CDH1: variants seen among roughly 807,000 people sequenced by gnomAD.
CDH1 encodes the protein cadherin-1.
Under a neutral mutation model 84.5 loss-of-function variants are expected in CDH1, and 35 were observed. The ratio of observed to expected loss-of-function variants is 0.41; its 90% CI spans 0.32 to 0.55. The LOEUF (loss-of-function observed/expected upper bound fraction) is 0.55. Ranked by LOEUF, CDH1 falls within the 20% of genes least tolerant of loss-of-function variation. The pLI, the probability that CDH1 is intolerant of heterozygous loss-of-function variation, is 0.19. For missense variants in CDH1, 994 were observed against 1,126.6 expected, an observed-to-expected ratio of 0.88 and a Z score of 1.68; for synonymous variants, 417 against 439.0, an observed-to-expected ratio of 0.95 and a Z score of 0.63.
At chr16:68,754,883 A>G (rs1382876886) in intron 2 of CDH1, among the ~76,000 whole-genome samples, 1 of 152,176 alleles carries the variant, frequency 6.6e-6, no homozygotes, top group Non-Finnish European at 1.5e-5. Flanking sequence ...AAAACTCAGC[A>G]GGAAGGGTGA....
At chr16:68,821,733 AAGG>A (rs1245417018) in intron 11 of CDH1, among the ~76,000 whole-genome samples, 2 of 152,226 alleles carry the variant, frequency 1.3e-5, no homozygotes, top group African/African-American at 4.8e-5. Flanking sequence ...ATATGTGAAG[AAGG>A]AGGAGTGTGT....
At chr16:68,739,917 G>A (rs539510554) in intron 2 of CDH1, among the ~76,000 whole-genome samples, 11 of 152,228 alleles carry the variant, frequency 7.2e-5, no homozygotes, top group Middle Eastern at 3.4e-3. Context: ...GCCTGGCCAG[G>A]AATAATGATC....
At chr16:68,811,353 G>A (rs1597893549) in intron 6 of CDH1, among the ~76,000 whole-genome samples, 3 of 135,452 alleles carry the variant, frequency 2.2e-5, no homozygotes, top group East Asian at 4.4e-4. Flanking sequence ...GCCGAATCAC[G>A]CCATTGCATT....
chr16:68,751,440 C>A (rs565960934), intron 2 of CDH1, among the ~76,000 whole-genome samples: 53 of 152,306 alleles, frequency 3.5e-4, no homozygotes, highest in Admixed American at 1.2e-3. Context: ...GAAAAGACTG[C>A]AAGCCTTTGC....
intron 3 of CDH1, among the ~76,000 whole-genome samples, chr16:68,805,924 G>A (rs184890700): frequency 2.3e-4 from 35 of 151,946 alleles, no homozygotes; most frequent in Admixed American, 2.3e-3. Context: ...TAAGGCTTAG[G>A]ATACAGTGGT....
rs1464912375 is a variant in CDH1, at chr16:68,833,510, A to C, written c.*11A>C. The C allele has an allele frequency of 6.2e-7, 1 of 1,609,706 alleles. No individual in the cohort carries two copies. Among genetic ancestry groups the C allele is most frequent in the South Asian group, 1.1e-5 (1 of 90,990 alleles). ...GGCGAGGACGACTAGGGGACTCGAG[A>C]GAGGCGGGCCCCAGACCCATGTGCT... On this transcript the variant is annotated 3_prime_UTR_variant, in exon 16 of 16. Coordinates refer to ENST00000261769, the MANE Select transcript of CDH1 (RefSeq NM_004360.5).
Position 68,813,294 on chromosome 16 carries a change from A to G in CDH1, c.1138-19A>G, listed in dbSNP as rs754767606. The G allele has an allele frequency of 1.9e-6, 3 of 1,613,530 alleles. No individual in the cohort carries two copies. Among genetic ancestry groups the G allele is most frequent in the Non-Finnish European group, 1.7e-6 (2 of 1,179,476 alleles). ...GCAGTCTTGGTACTTTGTAAATGAC[A>G]CATCTCTTTGCTCTGCAGTACAAGG... On this transcript the variant is annotated intron_variant, in intron 8 of 15. Transcript: ENST00000261769.
chr16:68,806,140 A>G (rs1034706261), intron 3 of CDH1, among the ~76,000 whole-genome samples: 1 of 119,972 alleles, frequency 8.3e-6, no homozygotes, highest in African/African-American at 2.7e-5. Context: ...TTATTTATTT[A>G]TTTATTTATT....
intron 2 of CDH1, among the ~76,000 whole-genome samples, chr16:68,759,487 CTTTT>C (rs141278700): frequency 2.2e-5 from 3 of 136,104 alleles, no homozygotes; most frequent in Non-Finnish European, 3.2e-5. Context: ...TCTTTTCTTT[CTTTT>C]TTTTTTTTTT....
At chr16:68,755,454 C>T (rs867291446) in intron 2 of CDH1, among the ~76,000 whole-genome samples, 1 of 151,874 alleles carries the variant, frequency 6.6e-6, no homozygotes, top group African/African-American at 2.4e-5. Flanking sequence ...TTACGTTGCC[C>T]AGGCTAGTCT....
At chr16:68,743,950 G>T (rs1489307894) in intron 2 of CDH1, among the ~76,000 whole-genome samples, 1 of 152,234 alleles carries the variant, frequency 6.6e-6, no homozygotes, top group Admixed American at 6.5e-5. Context: ...AGTGCCTGTT[G>T]TGTGTTAGCA....
chr16:68,800,337 A>G (rs1270835601), intron 2 of CDH1, among the ~76,000 whole-genome samples: 1 of 152,198 alleles, frequency 6.6e-6, no homozygotes, highest in Admixed American at 6.5e-5. Context: ...TGTGAGCCTC[A>G]GTTTCATCTT....
At position 68,811,675 on chromosome 16, in the gene CDH1, C is replaced by G. The variant is rs878854698; in HGVS notation, c.833-9C>G. ...TTGTCTAAACCTTCATCTCCTTGAA[C>G]TCTTCCAGGAACCTCTGTGATGGAG... On this transcript the variant is annotated splice_polypyrimidine_tract_variant and intron_variant, in intron 6 of 15. Coordinates refer to ENST00000261769, the MANE Select transcript of CDH1 (RefSeq NM_004360.5). 6.2e-7 allele frequency: 1 copy of G among 1,613,480 alleles called. No individual in the cohort carries two copies. Among genetic ancestry groups the G allele is most frequent in the Non-Finnish European group, 8.5e-7 (1 of 1,179,556 alleles).
chr16:68,790,178 C>G (rs1960170263), intron 2 of CDH1, among the ~76,000 whole-genome samples: 1 of 152,170 alleles, frequency 6.6e-6, no homozygotes, highest in Admixed American at 6.5e-5. Flanking sequence ...GAATGTAAGC[C>G]TTACCAATGT....
chr16:68,756,479 A>G (rs1334246653), intron 2 of CDH1, among the ~76,000 whole-genome samples: 1 of 152,002 alleles, frequency 6.6e-6, no homozygotes, highest in Non-Finnish European at 1.5e-5. Context: ...AGTGACAGGT[A>G]CTCTAGGTGC....
rs1044143018 is a variant in CDH1 at position 68,834,263 on chromosome 16, A to G, written c.*764A>G. ...GCCACTGCACCTGCCCAGCTCCCCA[A>G]CTCCCTGCCATTTTTTAAGAGACAG... On this transcript the variant is annotated 3_prime_UTR_variant, in exon 16 of 16. Transcript: ENST00000261769. 1.2e-5 allele frequency: 6 copies of G among 509,156 alleles called. No homozygotes were observed. Among genetic ancestry groups the G allele is most frequent in the African/African-American group, 1.9e-5 (1 of 52,176 alleles). The allele number at this position is 509,156 out of a possible 1,614,324, so 31.5% of individuals were successfully genotyped here. A position where few individuals can be genotyped will look rare whatever the true frequency, so the allele number is the denominator to read the frequency against.
At chr16:68,803,835 G>A (rs1353952605) in intron 3 of CDH1, among the ~76,000 whole-genome samples, 2 of 152,034 alleles carry the variant, frequency 1.3e-5, no homozygotes, top group African/African-American at 2.4e-5. Flanking sequence ...TTATGTCGTG[G>A]TTTATTCCTC....
At chr16:68,803,165 C>T (rs111527946) in intron 3 of CDH1, among the ~76,000 whole-genome samples, 122 of 152,282 alleles carry the variant, frequency 8.0e-4, no homozygotes, top group Middle Eastern at 6.8e-3. Flanking sequence ...AGATTGGCAT[C>T]TTCTTTTCTC....
At chr16:68,766,036 A>G (rs889603199) in intron 2 of CDH1, among the ~76,000 whole-genome samples, 4 of 151,990 alleles carry the variant, frequency 2.6e-5, no homozygotes, top group African/African-American at 9.7e-5. Flanking sequence ...AAGGCAGGCG[A>G]ATCATGAGGT....
Sources: gnomAD v4.1 joint callset for allele counts (sites outside exome capture counted in the v4.1 genomes callset) on GRCh38, gnomAD v4.1.1 for gene constraint, MANE v1.5 for transcripts, NCBI Gene and HGNC (gene_info 2026-07-23, HGNC 2026-07-21) for gene names.